The following RIGI variants were observed in gnomAD, a reference collection of about 807,000 sequenced individuals.
RIGI encodes RNA sensor RIG-I.
At chr9:32,481,244 A>G in the RIGI span, 34 of 1,278,140 alleles carry the variant, frequency 2.7e-5, no homozygotes, top group Non-Finnish European at 3.5e-5. Flanking sequence ...TGAGCTCTTG[A>G]GGACAGGATG....
chr9:32,487,503 T>A, the RIGI span: 1 of 1,614,188 alleles, frequency 6.2e-7, no homozygotes, highest in Non-Finnish European at 8.5e-7. Flanking sequence ...TTGCTCCAGT[T>A]CCTCCAGATT....
At chr9:32,518,569 T>C in the RIGI span, among the ~76,000 whole-genome samples, 5 of 152,276 alleles carry the variant, frequency 3.3e-5, no homozygotes, top group African/African-American at 1.2e-4. Context: ...TAAAACCAGA[T>C]AGAATATTGG....
chr9:32,508,851 C>T, the RIGI span, among the ~76,000 whole-genome samples: 1 of 152,166 alleles, frequency 6.6e-6, no homozygotes, highest in East Asian at 1.9e-4. Context: ...AATCCACTAG[C>T]TTGAAATTCT....
chr9:32,487,422 T>C, the RIGI span: 1 of 1,571,832 alleles, frequency 6.4e-7, no homozygotes. Context: ...GAACTAGAGG[T>C]AGTAGAGAGT....
At chr9:32,498,445 C>T in the RIGI span, 1 of 441,668 alleles carries the variant, frequency 2.3e-6, no homozygotes, top group African/African-American at 2.0e-5. Context: ...TGGCCCGAGG[C>T]TACACTTCCC....
the RIGI span, chr9:32,487,863 T>C: frequency 6.7e-7 from 1 of 1,496,482 alleles, no homozygotes; most frequent in Non-Finnish European, 9.1e-7. Flanking sequence ...GAAGGACATC[T>C]TCAGTGTGGC....
the RIGI span, among the ~76,000 whole-genome samples, chr9:32,469,057 G>A: frequency 6.6e-6 from 1 of 152,126 alleles, no homozygotes; most frequent in Non-Finnish European, 1.5e-5. Flanking sequence ...GACCAGATAA[G>A]GTCATAGTGG....
chr9:32,485,410 G>A, the RIGI span: 2 of 683,556 alleles, frequency 2.9e-6, no homozygotes, highest in Non-Finnish European at 5.0e-6. Context: ...AAAACCTAAG[G>A]TTCCAGGCTA....
chr9:32,467,612 C>T, the RIGI span: 8 of 597,372 alleles, frequency 1.3e-5, no homozygotes, highest in African/African-American at 1.5e-4. Context: ...AAACTGTAGC[C>T]ACCTTAAGGG....
At chr9:32,492,166 T>A in the RIGI span, among the ~76,000 whole-genome samples, 1 of 152,326 alleles carries the variant, frequency 6.6e-6, no homozygotes, top group South Asian at 2.1e-4. Flanking sequence ...GGGCTAATTC[T>A]GGATGAGAGT....
At chr9:32,504,038 AACAC>A in the RIGI span, among the ~76,000 whole-genome samples, 2,913 of 135,728 alleles carry the variant, frequency 0.021, 112 homozygotes, top group African/African-American at 0.076. Context: ...CAAGACTCCA[AACAC>A]ACACACACAC....
chr9:32,520,724 T>C, the RIGI span, among the ~76,000 whole-genome samples: 1 of 152,198 alleles, frequency 6.6e-6, no homozygotes, highest in Admixed American at 6.5e-5. Context: ...AAGGCCAATG[T>C]CTGGGCCCCT....
chr9:32,519,236 T>A, the RIGI span, among the ~76,000 whole-genome samples: 1 of 152,202 alleles, frequency 6.6e-6, no homozygotes, highest in African/African-American at 2.4e-5. Flanking sequence ...TTTACTTATA[T>A]ATACATATTA....
the RIGI span, among the ~76,000 whole-genome samples, chr9:32,468,582 C>G: frequency 6.6e-6 from 1 of 152,008 alleles, no homozygotes; most frequent in Non-Finnish European, 1.5e-5. Context: ...AAGAGAATCA[C>G]CTGAGCTGGG....
At chr9:32,472,933 A>C in the RIGI span, 1 of 1,409,850 alleles carries the variant, frequency 7.1e-7, no homozygotes, top group Non-Finnish European at 9.8e-7. Context: ...ACATATTCTT[A>C]AATGCATAAT....
the RIGI span, among the ~76,000 whole-genome samples, chr9:32,515,923 C>T: frequency 1.3e-5 from 2 of 152,194 alleles, no homozygotes; most frequent in Middle Eastern, 3.2e-3. Context: ...CTCCTCTGCT[C>T]ATCTCTTAAA....
At chr9:32,458,111 G>A in the RIGI span, among the ~76,000 whole-genome samples, 4 of 152,094 alleles carry the variant, frequency 2.6e-5, no homozygotes, top group East Asian at 1.9e-4. Context: ...TTCTGAAGAC[G>A]AACGGAACAT....
the RIGI span, among the ~76,000 whole-genome samples, chr9:32,524,596 G>GTTT: frequency 7.3e-3 from 490 of 67,550 alleles, 64 homozygotes; most frequent in Middle Eastern, 0.016. Context: ...TTGTTTTTCG[G>GTTT]TTTTTTTTTT....
At chr9:32,514,860 AT>A in the RIGI span, among the ~76,000 whole-genome samples, 1 of 152,082 alleles carries the variant, frequency 6.6e-6, no homozygotes, top group Non-Finnish European at 1.5e-5. Context: ...TTTTAAGCTA[AT>A]TTTTTTCAGT....
Sources: gnomAD v4.1 joint callset for allele counts (sites outside exome capture counted in the v4.1 genomes callset) on GRCh38, gnomAD v4.1.1 for gene constraint, MANE v1.5 for transcripts, NCBI Gene and HGNC (gene_info 2026-07-23, HGNC 2026-07-21) for gene names.